The following EVI5 variants were observed in gnomAD, a reference collection of about 807,000 sequenced individuals.
EVI5 encodes the protein ecotropic viral integration site 5, also known as ecotropic viral integration site 5 protein homolog.
Under a neutral mutation model 112.0 loss-of-function variants are expected in EVI5, and 73 were observed. The ratio of observed to expected loss-of-function variants is 0.65; its 90% CI spans 0.54 to 0.79. The LOEUF (loss-of-function observed/expected upper bound fraction) is 0.79, where lower values mean the gene tolerates loss of function less well. EVI5 is among the 30% of genes least tolerant of loss of function. EVI5 has a pLI of 0.00. For synonymous variants in EVI5, 305 were observed against 319.9 expected (o/e 0.95, Z 0.50); for missense variants, 900 against 968.8 (o/e 0.93, Z 0.94).
intron 10 of EVI5, among the ~76,000 whole-genome samples, chr1:92,673,185 C>CTTTTTTTTTTTTTTTT (rs35702596): frequency 1.1e-4 from 14 of 123,570 alleles, no homozygotes; most frequent in African/African-American, 3.2e-4. Context: ...TAACACTTCT[C>CTTTTTTTTTTTTTTTT]TTTTTTTTTT....
intron 1 of EVI5, among the ~76,000 whole-genome samples, chr1:92,772,372 T>G (rs1570897674): frequency 1.3e-5 from 2 of 148,706 alleles, no homozygotes; most frequent in South Asian, 2.1e-4. Flanking sequence ...CAAGGCGGGC[T>G]GATCACGAGG....
chr1:92,705,193 CT>C (rs1671775219), intron 2 of EVI5, among the ~76,000 whole-genome samples: 1 of 152,020 alleles, frequency 6.6e-6, no homozygotes, highest in South Asian at 2.1e-4. Context: ...AATCACTTCT[CT>C]TTTTTCATTT....
At chr1:92,635,282 G>A (rs1033888146) in intron 14 of EVI5, among the ~76,000 whole-genome samples, 1 of 152,234 alleles carries the variant, frequency 6.6e-6, no homozygotes, top group Non-Finnish European at 1.5e-5. Context: ...CCGAGGTGGA[G>A]TCTACAGGGG....
intron 19 of EVI5, among the ~76,000 whole-genome samples, chr1:92,552,684 C>CT (rs1430051264): frequency 6.6e-5 from 10 of 152,178 alleles, no homozygotes; most frequent in Non-Finnish European, 1.5e-4. Context: ...ATTCTGTATT[C>CT]TTTAAGTTGG....
At chr1:92,621,860 C>A (rs188993813) in intron 16 of EVI5, among the ~76,000 whole-genome samples, 3 of 152,220 alleles carry the variant, frequency 2.0e-5, no homozygotes, top group Non-Finnish European at 4.4e-5. Flanking sequence ...CGGTGGCTCA[C>A]GCCTGTAATC....
At chr1:92,711,279 A>G (rs750865632) in intron 2 of EVI5, among the ~76,000 whole-genome samples, 1 of 152,178 alleles carries the variant, frequency 6.6e-6, no homozygotes, top group Non-Finnish European at 1.5e-5. Flanking sequence ...GAACGCCACA[A>G]ACAAAAATCT....
intron 13 of EVI5, among the ~76,000 whole-genome samples, chr1:92,657,905 A>G (rs1663290134): frequency 6.6e-6 from 1 of 152,124 alleles, no homozygotes; most frequent in Admixed American, 6.5e-5. Context: ...GTTGCCACAC[A>G]GTCTTAAACA....
intron 19 of EVI5, among the ~76,000 whole-genome samples, chr1:92,556,065 C>CTTT (rs771124421): frequency 3.5e-5 from 5 of 140,880 alleles, no homozygotes; most frequent in East Asian, 2.0e-4. Context: ...TTCTTTCTTT[C>CTTT]TTTTTTTTTT....
At chr1:92,619,207 T>C (rs760378172) in intron 16 of EVI5, among the ~76,000 whole-genome samples, 10 of 152,252 alleles carry the variant, frequency 6.6e-5, no homozygotes, top group South Asian at 2.1e-4. Flanking sequence ...GATCCACCCT[T>C]AGCTGATGGG....
rs537385042 is a variant in EVI5, at chr1:92,512,014, T to G, written c.*1642A>C. Reference sequence around the variant, plus strand: ...GCTTTTTCCATAGGTTAACAAAATGTTTTTTTTTTCATAGGCTAACAAAAA... The same window carrying G: ...GCTTTTTCCATAGGTTAACAAAATGGTTTTTTTTTCATAGGCTAACAAAAA... On this transcript the variant is annotated 3_prime_UTR_variant, in exon 20 of 20. Transcript: ENST00000684568. 6.8e-6 allele frequency: 1 copy of G among 148,020 alleles called. No individual in the cohort carries two copies. The highest frequency in any genetic ancestry group is 2.6e-5 in the African/African-American group (1 of 39,042). 9.2% of individuals were successfully genotyped at this position (148,020 alleles called of 1,614,324 possible).
intron 13 of EVI5, among the ~76,000 whole-genome samples, chr1:92,660,067 A>T (rs956207976): frequency 6.6e-6 from 1 of 151,928 alleles, no homozygotes; most frequent in Non-Finnish European, 1.5e-5. Flanking sequence ...GACACTGGAG[A>T]CTCAGAAAGG....
intron 1 of EVI5, among the ~76,000 whole-genome samples, chr1:92,782,829 G>GT (rs967967816): frequency 4.6e-5 from 7 of 151,574 alleles, no homozygotes; most frequent in East Asian, 1.9e-4. Context: ...TTTTGTTTTT[G>GT]TTTTTTTTGA....
chr1:92,600,955 G>A (rs1248094558), intron 18 of EVI5, among the ~76,000 whole-genome samples: 1 of 152,128 alleles, frequency 6.6e-6, no homozygotes, highest in Non-Finnish European at 1.5e-5. Flanking sequence ...ATCCACGACT[G>A]ATAAAGATGA....
At chr1:92,775,306 T>C (rs1188197169) in intron 1 of EVI5, among the ~76,000 whole-genome samples, 10 of 151,926 alleles carry the variant, frequency 6.6e-5, no homozygotes, top group Admixed American at 4.6e-4. Flanking sequence ...TGTGTGCCTA[T>C]AATCCCAGCT....
intron 10 of EVI5, among the ~76,000 whole-genome samples, chr1:92,668,488 A>C (rs1216041959): frequency 6.6e-6 from 1 of 152,220 alleles, no homozygotes; most frequent in Admixed American, 6.5e-5. Flanking sequence ...TAGAAAACTA[A>C]GTTCCCACCA....
chr1:92,654,653 A>C (rs1477272156), intron 13 of EVI5, among the ~76,000 whole-genome samples: 5 of 152,166 alleles, frequency 3.3e-5, no homozygotes, highest in Admixed American at 3.3e-4. Context: ...GATCACACTA[A>C]ATCTCTAGCA....
At chr1:92,602,560 C>T (rs1017501602) in intron 18 of EVI5, among the ~76,000 whole-genome samples, 1 of 152,070 alleles carries the variant, frequency 6.6e-6, no homozygotes, top group Non-Finnish European at 1.5e-5. Flanking sequence ...TACTATCATG[C>T]CCTCAGCTAA....
At chr1:92,775,630 T>A (rs1430986741) in intron 1 of EVI5, among the ~76,000 whole-genome samples, 2 of 152,088 alleles carry the variant, frequency 1.3e-5, no homozygotes, top group African/African-American at 2.4e-5. Context: ...TTATCTAGCT[T>A]TGTCTAAGTG....
At chr1:92,565,188 A>G (rs984964799) in intron 18 of EVI5, among the ~76,000 whole-genome samples, 7 of 152,198 alleles carry the variant, frequency 4.6e-5, no homozygotes, top group African/African-American at 1.7e-4. Context: ...TCATGGAGAC[A>G]ACAATTGTTA....
Sources: gnomAD v4.1 joint callset for allele counts (sites outside exome capture counted in the v4.1 genomes callset) on GRCh38, gnomAD v4.1.1 for gene constraint, MANE v1.5 for transcripts, NCBI Gene and HGNC (gene_info 2026-07-23, HGNC 2026-07-21) for gene names.